The following PML variants were observed in gnomAD, a reference collection of about 807,000 sequenced individuals.
PML encodes the protein protein PML.
Under a neutral mutation model 65.2 loss-of-function variants are expected in PML, and 28 were observed. That is an observed-to-expected ratio of 0.43 (90% CI 0.32 to 0.59). The LOEUF is 0.59. Among genes scored for constraint, PML ranks in the 20% least tolerant of loss-of-function variants. The pLI, the probability that PML is intolerant of heterozygous loss-of-function variation, is 0.08. For missense variants in PML, 1,021 were observed against 1,203.4 expected (o/e 0.85, Z 2.24); for synonymous variants, 500 against 508.8 (o/e 0.98, Z 0.23).
In PML at chr15:73,997,986, G is replaced by A; in HGVS notation, c.130-18G>A. 6.2e-7 allele frequency: 1 copy of A among 1,609,082 alleles called. No individual in the cohort carries two copies. The highest frequency in any genetic ancestry group is 8.5e-7 in the Non-Finnish European group (1 of 1,177,338). On this transcript the variant is annotated intron_variant, in intron 1 of 8. Coordinates refer to ENST00000268058, the MANE Select transcript of PML (RefSeq NM_033238.3). ...TTTGGGACTTCTCCAGGCCTCACCT[G>A]CCTCTCTGGTCCCCCAGCGAGCCCC...
In PML at chr15:74,021,876, C is replaced by A. The variant is rs2070850396; in HGVS notation, c.603-952C>A. On this transcript the variant is annotated intron_variant, in intron 2 of 8. Transcript: ENST00000268058. ...AGCTATTAAAGAGAATACATCTGAT[C>A]TGTGCCTATGCACCTAGAGGAATGC... Among the ~76,000 whole-genome samples the A allele has an allele frequency of 1.3e-5, 2 of 152,374 alleles. 1 individual carries two copies. The highest frequency in any genetic ancestry group is 4.1e-4 in the South Asian group (2 of 4,830).
At chr15:74,022,098 C>T (rs1231343713) in intron 2 of PML, among the ~76,000 whole-genome samples, 1 of 152,166 alleles carries the variant, frequency 6.6e-6, no homozygotes, top group Admixed American at 6.5e-5. Flanking sequence ...GCTGGGATTA[C>T]AGGCATGCGG....
At chr15:74,040,577 G>A (rs1176436569) in intron 7 of PML, among the ~76,000 whole-genome samples, 1 of 152,238 alleles carries the variant, frequency 6.6e-6, no homozygotes, top group Non-Finnish European at 1.5e-5. Context: ...TGGCAAACCT[G>A]AGTCTTTCAG....
Position 74,043,864 on chromosome 15 carries a change from A to G in PML, c.1862-357A>G. 1 of 518,918 alleles carries G rather than the reference A, an allele frequency of 1.9e-6. No individual in the cohort carries two copies. Among genetic ancestry groups the G allele is most frequent in the Non-Finnish European group, 3.7e-6 (1 of 270,578 alleles). The allele number at this position is 518,918 out of a possible 1,614,324, so 32.1% of individuals were successfully genotyped here. A position where few individuals can be genotyped will look rare whatever the true frequency, so the allele number is the denominator to read the frequency against. ...GATTGGAGGAAGGAGCATGGGATGG[A>G]GAGCTAAGTTCAAGCAGCCTGGGAT... is the stretch of plus-strand genomic sequence containing the variant. On this transcript the variant is annotated intron_variant, in intron 8 of 8. Transcript: ENST00000268058. This position sits in a 1 kb window ranked among gnomAD's most constrained non-coding sequence, Gnocchi z 4.3.
intron 1 of PML, among the ~76,000 whole-genome samples, chr15:73,996,866 A>G (rs1312060278): frequency 6.6e-6 from 1 of 152,182 alleles, no homozygotes; most frequent in African/African-American, 2.4e-5. Flanking sequence ...TAGATATTTC[A>G]TGTAAGTGGA....
chr15:74,004,142 C>G (rs1257270249), intron 2 of PML, among the ~76,000 whole-genome samples: 1 of 152,132 alleles, frequency 6.6e-6, no homozygotes, highest in Admixed American at 6.6e-5. Context: ...TGGGGTCTCA[C>G]TCTGTCACCC....
chr15:74,006,057 C>A (rs28398238), intron 2 of PML, among the ~76,000 whole-genome samples: 1 of 152,058 alleles, frequency 6.6e-6, no homozygotes, highest in Admixed American at 6.6e-5. Context: ...AGATGTCCAG[C>A]TAGGTCCCTG....
intron 7 of PML, chr15:74,036,968 A>G (rs2071583249): frequency 1.0e-6 from 1 of 984,816 alleles, no homozygotes; most frequent in Non-Finnish European, 1.2e-6. Flanking sequence ...CGCACTCCCC[A>G]TTTCATCCCA....
In PML at chr15:74,032,661, G is replaced by C; in HGVS notation, c.1344G>C (p.Gly448=). 6.2e-7 allele frequency: 1 copy of C among 1,614,228 alleles called. No individual in the cohort carries two copies. The highest frequency in any genetic ancestry group is 8.5e-7 in the Non-Finnish European group (1 of 1,180,024). The part of the protein sequence containing the change: ...QPMAVVQSVP[G]AHPVPVYAFS... ...TGGCTGTGGTACAGTCAGTGCCCGGGGCACACCCCGTGCCAGTGTACGCCT... is the reference window on the plus strand; with the variant it reads ...TGGCTGTGGTACAGTCAGTGCCCGGCGCACACCCCGTGCCAGTGTACGCCT... Residue 448 remains glycine (G), a synonymous_variant, in exon 5 of 9, where the codon GGG becomes GGC. Coordinates refer to ENST00000268058, the MANE Select transcript of PML (RefSeq NM_033238.3).
In PML at chr15:73,994,925, G is replaced by A; in HGVS notation, c.113G>A (p.Ser38Asn). The change falls in exon 1 of 9, where the codon AGC (serine) becomes AAC (asparagine). Residue 38 changes from serine (S) to asparagine (N), a missense_variant. Ser to Asn is a conservative substitution (Grantham distance 46). Coordinates refer to ENST00000268058, the MANE Select transcript of PML (RefSeq NM_033238.3). Reference sequence around the variant, plus strand: ...TCTGAAGGCCGCCAGCCCAGCCCCAGCCCCAGCCCTACAGAGGTACTATTG... The same window carrying A: ...TCTGAAGGCCGCCAGCCCAGCCCCAACCCCAGCCCTACAGAGGTACTATTG... ...TPSEGRQPSP[S>N]PSPTERAPAS... The A allele has an allele frequency of 6.6e-7, 1 of 1,524,548 alleles. No individual in the cohort carries two copies. Among genetic ancestry groups the A allele is most frequent in the Non-Finnish European group, 8.8e-7 (1 of 1,132,788 alleles). The allele number at this position is 1,524,548 out of a possible 1,614,324, so 94.4% of individuals were successfully genotyped here. A position where few individuals can be genotyped will look rare whatever the true frequency, so the allele number is the denominator to read the frequency against.
At position 74,035,637 on chromosome 15, in the gene PML, C is replaced by T. The variant is rs778003774; in HGVS notation, c.1710+1107C>T. On this transcript the variant is annotated intron_variant, in intron 7 of 8. Coordinates refer to ENST00000268058, the MANE Select transcript of PML (RefSeq NM_033238.3). This position sits in a 1 kb window ranked among gnomAD's most constrained non-coding sequence, Gnocchi z 4.1. ...GGGCATCAGCCCACCCCACCGGATA[C>T]GAGGGGCTGTGCGATCCCGCAGCCG... The T allele has an allele frequency of 6.2e-6, 10 of 1,613,800 alleles. No individual in the cohort carries two copies. The highest frequency in any genetic ancestry group is 4.4e-5 in the South Asian group (4 of 91,090).
At position 74,000,391 on chromosome 15, in the gene PML, A is replaced by G. The variant is rs577125676; in HGVS notation, c.602+1915A>G. Among the ~76,000 whole-genome samples the G allele has an allele frequency of 5.9e-5, 9 of 152,082 alleles. 1 individual carries two copies. In the South Asian group the frequency reaches 1.9e-3, roughly 32 times the overall value. On this transcript the variant is annotated intron_variant, in intron 2 of 8. Transcript: ENST00000268058. ...TGCACTCGTGGCTCACTGCAGCCTCAATCTCTTGGGTTCAAACAATCCTCC... is the reference window on the plus strand; with the variant it reads ...TGCACTCGTGGCTCACTGCAGCCTCGATCTCTTGGGTTCAAACAATCCTCC...
intron 2 of PML, among the ~76,000 whole-genome samples, chr15:74,013,189 A>G (rs1397986034): frequency 6.6e-6 from 1 of 152,160 alleles, no homozygotes; most frequent in East Asian, 1.9e-4. Context: ...AATTGCTTAA[A>G]TTACTTCTCC....
chr15:74,010,231 T>C (rs559998700), intron 2 of PML, among the ~76,000 whole-genome samples: 73 of 135,606 alleles, frequency 5.4e-4, no homozygotes, highest in Non-Finnish European at 9.6e-4. Flanking sequence ...TGGGCTTTCA[T>C]TATGTTCCCT....
At chr15:74,010,934 AC>A (rs888467118) in intron 2 of PML, among the ~76,000 whole-genome samples, 2 of 152,234 alleles carry the variant, frequency 1.3e-5, no homozygotes, top group African/African-American at 2.4e-5. Flanking sequence ...TGCATCTAAA[AC>A]AAACTGTATA....
At position 74,042,438 on chromosome 15, in the gene PML, C is replaced by T; in HGVS notation, c.1711-551C>T. On this transcript the variant is annotated intron_variant, in intron 7 of 8. Coordinates refer to ENST00000268058, the MANE Select transcript of PML (RefSeq NM_033238.3). This position sits in a 1 kb window ranked among gnomAD's most constrained non-coding sequence, Gnocchi z 5.3. ...AGGCTCCCGACCCCTTCCAAAGAAT[C>T]ATCTGGGGTTCAAGATGAGGCTTCT... The T allele has an allele frequency of 1.0e-6, 1 of 985,410 alleles. No individual in the cohort carries two copies. Among genetic ancestry groups the T allele is most frequent in the Non-Finnish European group, 1.2e-6 (1 of 829,896 alleles). 61.0% of individuals were successfully genotyped at this position (985,410 alleles called of 1,614,324 possible).
chr15:74,015,609 A>C (rs145875045), intron 2 of PML, among the ~76,000 whole-genome samples: 1 of 152,206 alleles, frequency 6.6e-6, no homozygotes, highest in Non-Finnish European at 1.5e-5. Flanking sequence ...ATAGTGGCCT[A>C]TCTGTACTGG....
At chr15:74,032,762 C>CCA (rs1218830894) in intron 5 of PML, 47 bp downstream of exon 5, 1 of 1,601,130 alleles carries the variant, frequency 6.2e-7, no homozygotes, top group Non-Finnish European at 8.6e-7. Context: ...GGCCTGAGTT[C>CCA]CACCAGGAAA....
At position 74,044,245 on chromosome 15, in the gene PML, C is replaced by T. The variant is rs1468020613; in HGVS notation, c.1886C>T (p.Ala629Val). Residue 629 changes from alanine (A) to valine (V), a missense_variant, in exon 9 of 9, where the codon GCG (alanine) becomes GTG (valine). Coordinates refer to ENST00000268058, the MANE Select transcript of PML (RefSeq NM_033238.3). The part of the protein sequence containing the change: ...NETQKISQLA[A>V]VNRESKFRVV... ...GCCCAGAAGATTAGCCAGCTGGCTG[C>T]GGTGAACCGGGAAAGCAAGTTCCGC... 4 of 1,613,850 alleles carry T rather than the reference C, an allele frequency of 2.5e-6. No homozygotes were observed. Among genetic ancestry groups the T allele is most frequent in the East Asian group, 2.2e-5 (1 of 44,868 alleles).
Sources: gnomAD v4.1 joint callset for allele counts (sites outside exome capture counted in the v4.1 genomes callset) on GRCh38, gnomAD v4.1.1 for gene constraint, Gnocchi (gnomAD v3.1) non-coding constraint, MANE v1.5 for transcripts, NCBI Gene and HGNC (gene_info 2026-07-23, HGNC 2026-07-21) for gene names.